Variants in LMF1 observed in about 807,000 individuals in gnomAD.
LMF1 encodes the protein lipase maturation factor 1.
LMF1 carries 68 observed loss-of-function variants against 60.6 expected under a neutral mutation model. The ratio of observed to expected loss-of-function variants is 1.12; its 90% CI spans 0.92 to 1.37. The LOEUF (loss-of-function observed/expected upper bound fraction) is 1.37, where lower values mean the gene tolerates loss of function less well. Ranked by LOEUF, LMF1 falls within the 40% of genes most tolerant of loss-of-function variation. LMF1 has a pLI of 0.00. For synonymous variants in LMF1, 418 were observed against 324.7 expected (o/e 1.29, Z -3.09); for missense variants, 948 against 767.2 (o/e 1.24, Z -2.78).
intron 10 of LMF1, among the ~76,000 whole-genome samples, chr16:864,388 G>A (rs576038330): frequency 5.3e-5 from 8 of 152,296 alleles, no homozygotes; most frequent in African/African-American, 9.6e-5. Context: ...GGTAGGAACC[G>A]CACTGTGAGT....
At chr16:921,557 G>A (rs548290146) in intron 3 of LMF1, among the ~76,000 whole-genome samples, 2 of 152,342 alleles carry the variant, frequency 1.3e-5, no homozygotes, top group South Asian at 2.1e-4. Context: ...GTACAAATGC[G>A]GGCGGTGACG....
chr16:926,559 C>T (rs147135959), intron 3 of LMF1, among the ~76,000 whole-genome samples: 1,868 of 152,322 alleles, frequency 0.012, 23 homozygotes, highest in South Asian at 0.097. Flanking sequence ...TGGACGGAAC[C>T]GGGAGGTTAA....
chr16:857,219 A>G (rs1045591325), intron 10 of LMF1, among the ~76,000 whole-genome samples: 3 of 152,200 alleles, frequency 2.0e-5, no homozygotes, highest in Admixed American at 6.5e-5. Flanking sequence ...GCTGCCGTAA[A>G]CCTCTGCACG....
intron 5 of LMF1, among the ~76,000 whole-genome samples, chr16:891,700 A>T (rs1470273060): frequency 6.6e-6 from 1 of 151,930 alleles, no homozygotes; most frequent in Non-Finnish European, 1.5e-5. Context: ...CACTTTTCTG[A>T]CCTGTCCTGA....
upstream of LMF1, chr16:975,888 T>C (rs982952183): frequency 1.6e-5 from 7 of 449,992 alleles, no homozygotes; most frequent in African/African-American, 1.3e-4. Flanking sequence ...TTTTCCTTTG[T>C]GGCATGCTTA....
chr16:975,759 G>C (rs1023836850), upstream of LMF1: 1 of 450,618 alleles, frequency 2.2e-6, no homozygotes, highest in African/African-American at 2.0e-5. Flanking sequence ...GGAGACAGCA[G>C]AGACATTTTC....
intron 1 of LMF1, among the ~76,000 whole-genome samples, chr16:960,386 G>A (rs74574643): frequency 3.2e-5 from 2 of 63,386 alleles, no homozygotes; most frequent in Admixed American, 1.6e-4. Flanking sequence ...GTGACAGCAC[G>A]GGATCACGAC....
chr16:979,203 G>A (rs2073264728), intron 1 of LMF1: 1 of 417,526 alleles, frequency 2.4e-6, no homozygotes, highest in East Asian at 7.2e-5. Flanking sequence ...CGTCCTCTCA[G>A]GCCTAGTGGC....
At chr16:975,010 C>T (rs551661122), upstream of LMF1, among the ~76,000 whole-genome samples, 10 of 151,840 alleles carry the variant, frequency 6.6e-5, no homozygotes, top group Admixed American at 2.6e-4. Context: ...GACTGTCCAG[C>T]GGCCAACCCC....
At chr16:943,137 C>T (rs1002597894) in intron 2 of LMF1, among the ~76,000 whole-genome samples, 15 of 151,974 alleles carry the variant, frequency 9.9e-5, no homozygotes, top group South Asian at 2.1e-4. Flanking sequence ...TTTGGGAGGC[C>T]GAGGCGGGTG....
chr16:931,107 C>G (rs1236124525), intron 3 of LMF1, among the ~76,000 whole-genome samples: 3 of 151,322 alleles, frequency 2.0e-5, no homozygotes, highest in East Asian at 3.9e-4. Context: ...GGCGACAGAG[C>G]GAGACTCCAT....
At chr16:923,414 C>T (rs529636019) in intron 3 of LMF1, among the ~76,000 whole-genome samples, 15 of 152,230 alleles carry the variant, frequency 9.9e-5, no homozygotes, top group East Asian at 9.6e-4. Flanking sequence ...CCAGTAGTAA[C>T]GGGCACCCCA....
chr16:958,350 A>C (rs1484540057), intron 1 of LMF1, among the ~76,000 whole-genome samples: 1 of 152,244 alleles, frequency 6.6e-6, no homozygotes, highest in Non-Finnish European at 1.5e-5. Flanking sequence ...ACATCTGATA[A>C]AGGATTTGTA....
At chr16:958,292 A>T (rs2072749338) in intron 1 of LMF1, among the ~76,000 whole-genome samples, 1 of 152,240 alleles carries the variant, frequency 6.6e-6, no homozygotes. Flanking sequence ...TACTTTTAAC[A>T]GAATGAAAAC....
rs1039794203 is a variant in LMF1, at chr16:887,620, G to A, written c.729+5387C>T. Among the ~76,000 whole-genome samples the A allele has an allele frequency of 9.8e-5, 15 of 152,292 alleles. 1 individual carries two copies. The highest frequency in any genetic ancestry group is 3.1e-4 in the African/African-American group (13 of 41,564). ...GCCTGGAGGCCCCGCAGAACTCTGG[G>A]AGCCCAGCCCAGAGAGGGCTGCTCT... On this transcript the variant is annotated intron_variant, in intron 5 of 10. Coordinates refer to ENST00000262301, the MANE Select transcript of LMF1 (RefSeq NM_022773.4).
intron 10 of LMF1, among the ~76,000 whole-genome samples, chr16:860,925 C>G (rs558598158): frequency 6.6e-6 from 1 of 152,098 alleles, no homozygotes; most frequent in African/African-American, 2.4e-5. Context: ...ACCTTGTTCT[C>G]TTTCAAAATG....
At chr16:953,414 G>A in intron 2 of LMF1, among the ~76,000 whole-genome samples, 1 of 76,052 alleles carries the variant, frequency 1.3e-5, no homozygotes, top group Non-Finnish European at 3.1e-5. Flanking sequence ...CCCCAAACCA[G>A]CCTCCTACAC....
At chr16:855,328 C>T (rs989364445) in intron 10 of LMF1, 5 of 274,166 alleles carry the variant, frequency 1.8e-5, no homozygotes, top group Admixed American at 4.9e-5. Flanking sequence ...TGAAGGCCCC[C>T]ACCCCCATCT....
upstream of LMF1, among the ~76,000 whole-genome samples, chr16:974,770 C>T (rs539092850): frequency 3.3e-5 from 5 of 152,348 alleles, no homozygotes; most frequent in South Asian, 4.1e-4. Context: ...CCCAGCACCC[C>T]GGCCTGGCAG....
Sources: allele counts gnomAD v4.1 joint callset (sites outside exome capture counted in the v4.1 genomes callset), GRCh38; gene constraint gnomAD v4.1.1; transcripts MANE v1.5; gene names NCBI Gene and HGNC (gene_info 2026-07-23, HGNC 2026-07-21).